Variants in TM7SF3 observed in about 807,000 individuals in gnomAD.
TM7SF3 encodes transmembrane 7 superfamily member 3.
In TM7SF3, 60 loss-of-function variants were observed where a neutral mutation model predicts 65.5. The ratio of observed to expected loss-of-function variants is 0.92; its 90% confidence interval spans 0.74 to 1.14. The LOEUF (loss-of-function observed/expected upper bound fraction) is 1.14, where lower values mean the gene tolerates loss of function less well. Ranked by LOEUF, TM7SF3 falls within the 50% of genes most tolerant of loss-of-function variation. The pLI, the probability that TM7SF3 is intolerant of heterozygous loss-of-function variation, is 0.00. For synonymous variants in TM7SF3, 264 were observed against 259.6 expected, an observed-to-expected ratio of 1.02 and a Z score of -0.16; for missense variants, 623 against 684.8, an observed-to-expected ratio of 0.91 and a Z score of 1.01.
At chr12:27,004,645 A>G (rs1253364459) in intron 1 of TM7SF3, among the ~76,000 whole-genome samples, 2 of 152,222 alleles carry the variant, frequency 1.3e-5, no homozygotes, top group East Asian at 3.8e-4. Context: ...AAGAATGAGT[A>G]GCCTGTGGAA....
intron 5 of TM7SF3, among the ~76,000 whole-genome samples, chr12:26,991,342 C>T (rs911893400): frequency 7.3e-5 from 11 of 151,156 alleles, no homozygotes; most frequent in South Asian, 2.1e-4. Context: ...TTAGTAGAGA[C>T]GGGGTTTCAC....
Position 26,972,832 on chromosome 12 carries a change from C to T in TM7SF3, c.*1133G>A, listed in dbSNP as rs1334305921. Among the ~76,000 whole-genome samples the T allele has an allele frequency of 1.3e-5, 2 of 151,424 alleles. No homozygotes were observed. The highest frequency in any genetic ancestry group is 2.9e-5 in the Non-Finnish European group (2 of 67,880). On this transcript the variant is annotated 3_prime_UTR_variant, in exon 12 of 12. Coordinates refer to ENST00000343028, the MANE Select transcript of TM7SF3 (RefSeq NM_016551.3). ...TCTAATGCAGTTAAATTAAAGATCA[C>T]CTGTTGACACTATTTGAAAAGGCCT...
intron 6 of TM7SF3, among the ~76,000 whole-genome samples, chr12:26,988,671 ATT>A (rs1491521623): frequency 3.0e-5 from 3 of 99,634 alleles, no homozygotes; most frequent in African/African-American, 1.2e-4. Flanking sequence ...AGAGAAGAAA[ATT>A]GTGTGTGTGT....
At chr12:26,996,676 C>A in intron 4 of TM7SF3, 66 bp downstream of exon 4, 1 of 1,510,284 alleles carries the variant, frequency 6.6e-7, no homozygotes, top group South Asian at 1.3e-5. Context: ...GAGAGCTGGT[C>A]AAATCTACAC....
chr12:27,003,714 A>C (rs953219213), intron 1 of TM7SF3, among the ~76,000 whole-genome samples: 3 of 152,212 alleles, frequency 2.0e-5, no homozygotes, highest in African/African-American at 7.2e-5. Context: ...AGAGTCCCTG[A>C]ATTTAAAGAT....
chr12:26,977,766 ATG>A (rs10608992), intron 9 of TM7SF3, among the ~76,000 whole-genome samples: 86,005 of 148,290 alleles, frequency 0.58, 25,137 homozygotes, highest in East Asian at 0.76. Flanking sequence ...GAAAAAAATA[ATG>A]TGTGTGTGTG....
chr12:27,007,350 A>G (rs138624312), intron 1 of TM7SF3, among the ~76,000 whole-genome samples: 1,837 of 152,330 alleles, frequency 0.012, 37 homozygotes, highest in African/African-American at 0.042. Context: ...TCACTTGACA[A>G]AATAGGTAGG....
At chr12:26,988,992 GA>G (rs1328198176) in intron 6 of TM7SF3, among the ~76,000 whole-genome samples, 6 of 152,126 alleles carry the variant, frequency 3.9e-5, no homozygotes, top group Non-Finnish European at 8.8e-5. Context: ...TTTCCTTAAT[GA>G]CATTTACTTT....
chr12:27,007,766 A>G (rs1310139967), intron 1 of TM7SF3, among the ~76,000 whole-genome samples: 1 of 152,152 alleles, frequency 6.6e-6, no homozygotes, highest in Admixed American at 6.5e-5. Context: ...CCCCAGAGGG[A>G]AATAGGGTCC....
At chr12:27,012,995 CA>C (rs772325397) in intron 1 of TM7SF3, 1,626 of 116,860 alleles carry the variant, frequency 0.014, 1 homozygote, top group South Asian at 0.075. Context: ...GAGACTCCGT[CA>C]AAAAAAAAAA....
At chr12:26,991,027 A>C (rs1204374714) in intron 5 of TM7SF3, among the ~76,000 whole-genome samples, 1 of 152,210 alleles carries the variant, frequency 6.6e-6, no homozygotes, top group Non-Finnish European at 1.5e-5. Flanking sequence ...AATGTTAGCC[A>C]CAGACTAACG....
At chr12:27,000,404 C>T (rs1940781253) in intron 2 of TM7SF3, among the ~76,000 whole-genome samples, 2 of 152,142 alleles carry the variant, frequency 1.3e-5, no homozygotes, top group Admixed American at 6.5e-5. Flanking sequence ...GTTCAGTTTT[C>T]GAGGTACCTT....
At chr12:27,009,849 T>C (rs1314909490) in intron 1 of TM7SF3, among the ~76,000 whole-genome samples, 3 of 152,234 alleles carry the variant, frequency 2.0e-5, no homozygotes, top group African/African-American at 7.2e-5. Context: ...TGTATTTTTT[T>C]CCCAGTCTTA....
chr12:26,999,783 G>T, intron 2 of TM7SF3, 107 bp from the exon 3 acceptor site: 3 of 1,018,138 alleles, frequency 2.9e-6, no homozygotes, highest in South Asian at 3.9e-5. Context: ...AAAACAAATA[G>T]AAAAAAAAAA....
chr12:26,990,199 A>G lies in TM7SF3; in HGVS notation c.868+251T>C, dbSNP rs118071026. Among the ~76,000 whole-genome samples the G allele has an allele frequency of 3.2e-3, 488 of 152,238 alleles. 2 individuals are homozygous for G. The highest frequency in any genetic ancestry group is 5.7e-3 in the Non-Finnish European group (389 of 68,016). On this transcript the variant is annotated intron_variant, in intron 6 of 11. Coordinates refer to ENST00000343028, the MANE Select transcript of TM7SF3 (RefSeq NM_016551.3). ...CCTTTCCTACTTTATTTATCTTCTTAGCACTCACCATTTTCTCACGTATTA... is the reference window on the plus strand; with the variant it reads ...CCTTTCCTACTTTATTTATCTTCTTGGCACTCACCATTTTCTCACGTATTA...
intron 6 of TM7SF3, among the ~76,000 whole-genome samples, chr12:26,986,417 T>C (rs1376799189): frequency 6.6e-6 from 1 of 152,106 alleles, no homozygotes; most frequent in East Asian, 1.9e-4. Context: ...ATCCACTGAC[T>C]CCCACCCTAC....
chr12:27,011,623 C>T (rs1446675735), intron 1 of TM7SF3, among the ~76,000 whole-genome samples: 1 of 152,194 alleles, frequency 6.6e-6, no homozygotes, highest in Non-Finnish European at 1.5e-5. Context: ...CATCATCAAA[C>T]ATCAATCCAG....
rs575308789 is a variant in TM7SF3 at position 26,972,870 on chromosome 12, G to A, written c.*1095C>T. Among the ~76,000 whole-genome samples the A allele has an allele frequency of 4.0e-5, 6 of 150,388 alleles. No homozygotes were observed. The East Asian group carries it at 7.8e-4, about 20-fold the overall frequency. The stretch of plus-strand genomic sequence containing the variant: ...TTTGAAAAGGCCTTGAAAAAAAAAA[G>A]GGGGCCATTATTTGGAATATAAATC... On this transcript the variant is annotated 3_prime_UTR_variant, in exon 12 of 12. Transcript: ENST00000343028.
chr12:26,988,672 TTGTGTGTGTGTGTGTG>T (rs147021582), intron 6 of TM7SF3, among the ~76,000 whole-genome samples: 2 of 146,228 alleles, frequency 1.4e-5, no homozygotes, highest in Admixed American at 6.8e-5. Flanking sequence ...GAGAAGAAAA[TTGTGTGTGTGTGTGTG>T]TGTGTGTGTG....
Sources: allele counts gnomAD v4.1 joint callset (sites outside exome capture counted in the v4.1 genomes callset), GRCh38; gene constraint gnomAD v4.1.1; transcripts MANE v1.5; gene names NCBI Gene and HGNC (gene_info 2026-07-23, HGNC 2026-07-21).